Variants in SLIT3 observed in about 807,000 individuals in gnomAD.
SLIT3 encodes the protein slit guidance ligand 3, also known as slit homolog 3 protein.
A neutral mutation model predicts 184.0 loss-of-function variants in SLIT3; 68 were observed. The ratio of observed to expected loss-of-function variants is 0.37; its 90% CI spans 0.30 to 0.45. The LOEUF is 0.45. Among genes scored for constraint, SLIT3 ranks in the 20% least tolerant of loss-of-function variants. The probability of loss-of-function intolerance (pLI) is 1.00; values close to 1 mark genes in which losing one functional copy is unlikely to be tolerated. For synonymous variants in SLIT3, 831 were observed against 828.6 expected (o/e 1.00, Z -0.05); for missense variants, 1,707 against 2,026.0 (o/e 0.84, Z 3.02).
At chr5:169,162,572 C>A (rs966138285) in intron 4 of SLIT3, among the ~76,000 whole-genome samples, 2 of 152,190 alleles carry the variant, frequency 1.3e-5, no homozygotes, top group Non-Finnish European at 2.9e-5. Context: ...ATTATCAAAA[C>A]CAGACAAGCA....
At chr5:168,869,803 T>C (rs1195576172) in intron 5 of SLIT3, among the ~76,000 whole-genome samples, 1 of 152,246 alleles carries the variant, frequency 6.6e-6, no homozygotes, top group African/African-American at 2.4e-5. Flanking sequence ...CTAGGAAGTT[T>C]TCCTGGCAGA....
At chr5:168,818,477 G>A (rs980187673) in intron 7 of SLIT3, among the ~76,000 whole-genome samples, 6 of 152,190 alleles carry the variant, frequency 3.9e-5, no homozygotes, top group African/African-American at 1.4e-4. Context: ...TCTATCAGGG[G>A]TTTCCCATTT....
Position 168,795,475 on chromosome 5 carries a change from T to C in SLIT3, c.1007+32A>G, listed in dbSNP as rs760256499. The C allele has an allele frequency of 1.9e-6, 3 of 1,543,792 alleles. No homozygotes were observed. In the East Asian group the frequency reaches 6.7e-5, roughly 35 times the overall value. ...CAAACAACCCTGGAAATTGAAAACA[T>C]TTGGGCCCATTTCTCCACAGGGGAA... On this transcript the variant is annotated intron_variant, in intron 10 of 35. Transcript: ENST00000519560.
rs549369989 is a variant in SLIT3, at chr5:168,971,867, C to T, written c.414-88531G>A. 2.0e-5 allele frequency among the ~76,000 whole-genome samples: 3 copies of T among 152,358 alleles called. No individual in the cohort carries two copies. The South Asian group carries it at 6.2e-4, about 32-fold the overall frequency. ...GGCTCTGGAGCTACCACCTTTTAGGCTCCAGGGCTACCTTCTAGGTTCTGA... is the reference window on the plus strand; with the variant it reads ...GGCTCTGGAGCTACCACCTTTTAGGTTCCAGGGCTACCTTCTAGGTTCTGA... On this transcript the variant is annotated intron_variant, in intron 4 of 35. Transcript: ENST00000519560.
chr5:169,271,280 C>T (rs11747089), intron 1 of SLIT3, among the ~76,000 whole-genome samples: 3,706 of 152,260 alleles, frequency 0.024, 72 homozygotes, highest in African/African-American at 0.045. Flanking sequence ...CTATAGGGGG[C>T]TCCAGTGCAA....
chr5:168,806,360 G>A (rs969683186), intron 9 of SLIT3, 86 bp downstream of exon 9: 245 of 1,465,832 alleles, frequency 1.7e-4, no homozygotes, highest in Middle Eastern at 7.0e-4. Flanking sequence ...AGCCCCACAC[G>A]CTGATGGCCT....
chr5:168,698,678 G>A (rs1762129250), intron 27 of SLIT3, among the ~76,000 whole-genome samples: 1 of 152,042 alleles, frequency 6.6e-6, no homozygotes, highest in Non-Finnish European at 1.5e-5. Context: ...GGAGCAAAGG[G>A]GAGCTTCCTG....
Position 168,873,377 on chromosome 5 carries a change from C to A in SLIT3, c.485+9888G>T, listed in dbSNP as rs536014706. 2.0e-4 allele frequency among the ~76,000 whole-genome samples: 30 copies of A among 152,018 alleles called. 2 individuals carry two copies. Among genetic ancestry groups the A allele is most frequent in the African/African-American group, 6.8e-4 (28 of 41,464 alleles). ...CGGTATAGTGACTCACACTCGTAAT[C>A]CCAGCATTTTGGGAGGCTTAGGCAG... On this transcript the variant is annotated intron_variant, in intron 5 of 35. Coordinates refer to ENST00000519560, the MANE Select transcript of SLIT3 (RefSeq NM_003062.4).
chr5:168,906,646 A>G (rs774623723), intron 4 of SLIT3, among the ~76,000 whole-genome samples: 2 of 152,098 alleles, frequency 1.3e-5, no homozygotes, highest in Non-Finnish European at 2.9e-5. Context: ...TTCTATATAT[A>G]TATTTTTTTC....
chr5:168,886,384 T>C (rs1307265563), intron 4 of SLIT3, among the ~76,000 whole-genome samples: 1 of 152,180 alleles, frequency 6.6e-6, no homozygotes, highest in Non-Finnish European at 1.5e-5. Context: ...GAGTTCCTAA[T>C]AGTGTGTTTA....
intron 4 of SLIT3, among the ~76,000 whole-genome samples, chr5:168,933,176 T>C (rs562558650): frequency 1.3e-5 from 2 of 152,294 alleles, no homozygotes; most frequent in African/African-American, 2.4e-5. Context: ...TTTAATAACA[T>C]TAGCATATGA....
intron 20 of SLIT3, among the ~76,000 whole-genome samples, chr5:168,739,480 C>T (rs547792376): frequency 2.1e-4 from 32 of 150,180 alleles, no homozygotes; most frequent in Admixed American, 4.6e-4. Context: ...TGGAGTGCAA[C>T]GGCGCAATCT....
chr5:168,844,495 A>C (rs904156307), intron 6 of SLIT3, 89 bp downstream of exon 6: 33 of 1,206,476 alleles, frequency 2.7e-5, no homozygotes, highest in Non-Finnish European at 3.9e-5. Context: ...TCCTGCACAC[A>C]CTCTCCCCCT....
In SLIT3 at chr5:169,279,393, G is replaced by A. The variant is rs191380080; in HGVS notation, c.197+21120C>T. 1.6e-3 allele frequency among the ~76,000 whole-genome samples: 249 copies of A among 152,262 alleles called. 1 individual carries two copies. Among genetic ancestry groups the A allele is most frequent in the African/African-American group, 5.9e-3 (244 of 41,534 alleles). The stretch of plus-strand genomic sequence containing the variant: ...ATGGAAGAGCAGCACCTTATGTTAG[G>A]CAGTGTTAGCCCCATTTTACGGAGG... On this transcript the variant is annotated intron_variant, in intron 1 of 35. Coordinates refer to ENST00000519560, the MANE Select transcript of SLIT3 (RefSeq NM_003062.4).
chr5:168,726,968 A>G (rs1763152129), intron 20 of SLIT3, among the ~76,000 whole-genome samples: 1 of 150,786 alleles, frequency 6.6e-6, no homozygotes, highest in South Asian at 2.1e-4. Flanking sequence ...CCAAGATTGC[A>G]CTACTACACT....
chr5:168,970,398 G>A (rs1017628106), intron 4 of SLIT3, among the ~76,000 whole-genome samples: 2 of 151,536 alleles, frequency 1.3e-5, no homozygotes, highest in African/African-American at 4.9e-5. Flanking sequence ...GGGAGGCTGG[G>A]GCAAGATAAT....
chr5:169,161,123 G>A (rs1376115786), intron 4 of SLIT3, among the ~76,000 whole-genome samples: 2 of 152,086 alleles, frequency 1.3e-5, no homozygotes, highest in African/African-American at 4.8e-5. Flanking sequence ...TCACATCTAG[G>A]GATAACAGTT....
intron 8 of SLIT3, among the ~76,000 whole-genome samples, chr5:168,813,601 G>A (rs528527518): frequency 6.6e-6 from 1 of 152,314 alleles, no homozygotes; most frequent in East Asian, 1.9e-4. Flanking sequence ...CCAATACCCA[G>A]GGGAAGAAAA....
At chr5:168,799,629 G>T (rs1756693409) in intron 9 of SLIT3, among the ~76,000 whole-genome samples, 1 of 152,284 alleles carries the variant, frequency 6.6e-6, no homozygotes, top group Non-Finnish European at 1.5e-5. Context: ...GGGCACGGCC[G>T]GCACAGGGGC....
Sources: allele counts gnomAD v4.1 joint callset (sites outside exome capture counted in the v4.1 genomes callset), GRCh38; gene constraint gnomAD v4.1.1; transcripts MANE v1.5; gene names NCBI Gene and HGNC (gene_info 2026-07-23, HGNC 2026-07-21).